PBRM1: variants seen among roughly 807,000 people sequenced by gnomAD.
PBRM1 encodes polybromo 1, also known as protein polybromo-1.
Under a neutral mutation model 194.5 loss-of-function variants are expected in PBRM1, and 27 were observed. The observed-to-expected ratio is 0.14, with a 90% CI of 0.10 to 0.19. PBRM1 has a LOEUF of 0.19. Among genes scored for constraint, PBRM1 ranks in the 10% least tolerant of loss-of-function variants. The pLI is 1.00. For synonymous variants in PBRM1, 655 were observed against 693.2 expected, an observed-to-expected ratio of 0.94 and a Z score of 0.87; for missense variants, 1,466 against 2,077.2, an observed-to-expected ratio of 0.71 and a Z score of 5.72.
intron 20 of PBRM1, among the ~76,000 whole-genome samples, chr3:52,581,607 T>C (rs1200823088): frequency 1.3e-5 from 2 of 152,018 alleles, no homozygotes; most frequent in Middle Eastern, 3.4e-3. Context: ...TAATAATACC[T>C]TTTCCTTTAA....
At chr3:52,662,305 A>T in intron 3 of PBRM1, 29 bp from the exon 5 acceptor site, 1 of 1,562,854 alleles carries the variant, frequency 6.4e-7, no homozygotes, top group Non-Finnish European at 8.6e-7. Context: ...AAAAAAAAAA[A>T]CACTTTAGTA....
At chr3:52,578,477 T>C (rs1017168353) in intron 21 of PBRM1, among the ~76,000 whole-genome samples, 3 of 152,256 alleles carry the variant, frequency 2.0e-5, no homozygotes, top group Admixed American at 6.5e-5. Flanking sequence ...ACTCAGGGAA[T>C]GAACTACTGT....
intron 3 of PBRM1, among the ~76,000 whole-genome samples, chr3:52,662,882 A>C (rs2096754807): frequency 6.6e-6 from 1 of 151,878 alleles, no homozygotes; most frequent in African/African-American, 2.4e-5. Context: ...CTAATACACT[A>C]AGAAAGACAA....
At chr3:52,583,328 T>C (rs984443976) in intron 20 of PBRM1, among the ~76,000 whole-genome samples, 1 of 150,770 alleles carries the variant, frequency 6.6e-6, no homozygotes, top group Non-Finnish European at 1.5e-5. Context: ...CAGAATCACT[T>C]GAACCCAGGA....
rs947873735 is a variant in PBRM1 at position 52,595,597 on chromosome 3, T to C, written c.2780-6342A>G. On this transcript the variant is annotated intron_variant, in intron 17 of 29. Transcript: ENST00000296302. ...ACTAATCCATTGTGAGATGGTTAGT[T>C]TGCAGATAGTTTTTTCCCACTCTGT... 6.3e-4 allele frequency among the ~76,000 whole-genome samples: 96 copies of C among 152,314 alleles called. 1 individual carries two copies. Among genetic ancestry groups the C allele is most frequent in the African/African-American group, 2.1e-3 (88 of 41,578 alleles).
At chr3:52,630,656 C>T (rs374064487) in intron 11 of PBRM1, among the ~76,000 whole-genome samples, 10 of 152,320 alleles carry the variant, frequency 6.6e-5, no homozygotes, top group African/African-American at 2.4e-4. Flanking sequence ...CCGCGGAAGG[C>T]AGCAACATTA....
At chr3:52,672,712 T>C (rs2096978083) in intron 2 of PBRM1, among the ~76,000 whole-genome samples, 3 of 152,018 alleles carry the variant, frequency 2.0e-5, no homozygotes, top group African/African-American at 4.8e-5. Flanking sequence ...CAGGCTGGTC[T>C]CGAACTCCTG....
At chr3:52,654,696 G>T (rs2096573945) in intron 5 of PBRM1, among the ~76,000 whole-genome samples, 1 of 152,122 alleles carries the variant, frequency 6.6e-6, no homozygotes. Context: ...GACCATCACT[G>T]ATTATCTCCT....
rs2096886585 is a variant in PBRM1, at chr3:52,668,664, T to A, written c.237-19A>T. The A allele has an allele frequency of 6.8e-7, 1 of 1,471,988 alleles. No homozygotes were observed. Among genetic ancestry groups the A allele is most frequent in the African/African-American group, 1.5e-5 (1 of 68,742 alleles). 91.2% of individuals were successfully genotyped at this position (1,471,988 alleles called of 1,614,324 possible). A position where few individuals can be genotyped will look rare whatever the true frequency, so the allele number is the denominator to read the frequency against. ...TTGATTTCTGTTATAATTTAAATTT[T>A]TTTAAAGGAGATTAATCTGAAGCTT... On this transcript the variant is annotated intron_variant, in intron 2 of 29. Transcript: ENST00000296302.
chr3:52,615,524 A>C, intron 14 of PBRM1, 68 bp from the exon 17 acceptor site: 1 of 993,306 alleles, frequency 1.0e-6, no homozygotes, highest in Non-Finnish European at 1.6e-6. Context: ...ATGCATCCAT[A>C]AAGAAGTTTT....
At chr3:52,551,248 A>G (rs1162973595) in intron 27 of PBRM1, among the ~76,000 whole-genome samples, 2 of 152,330 alleles carry the variant, frequency 1.3e-5, no homozygotes, top group East Asian at 3.9e-4. Flanking sequence ...CAGGGACACA[A>G]GGGAAGAGGC....
chr3:52,599,447 T>A (rs574559061), intron 17 of PBRM1, among the ~76,000 whole-genome samples: 1 of 152,184 alleles, frequency 6.6e-6, no homozygotes, highest in East Asian at 1.9e-4. Flanking sequence ...ATATAGATGG[T>A]CAATAGGCAT....
At chr3:52,564,231 T>G (rs763255409) in exon 23 of PBRM1, 3 of 1,609,008 alleles carry the variant, frequency 1.9e-6, no homozygotes, top group East Asian at 2.2e-5. Context: ...ACAGCACACT[T>G]TCCTGAAAGA....
At chr3:52,618,209 A>T (rs1338922319) in intron 13 of PBRM1, among the ~76,000 whole-genome samples, 3 of 152,168 alleles carry the variant, frequency 2.0e-5, no homozygotes. Context: ...TAAAATTTCC[A>T]TCCTTGAGCA....
chr3:52,615,965 G>A (rs2094930563), intron 14 of PBRM1, among the ~76,000 whole-genome samples: 2 of 152,152 alleles, frequency 1.3e-5, no homozygotes, highest in African/African-American at 4.8e-5. Context: ...TGAGCCAAGG[G>A]TGGTAATATG....
intron 17 of PBRM1, among the ~76,000 whole-genome samples, chr3:52,589,982 C>T (rs918698148): frequency 2.6e-5 from 4 of 151,910 alleles, no homozygotes; most frequent in African/African-American, 9.7e-5. Context: ...GCATGCACCA[C>T]CACGCCTGGC....
chr3:52,562,009 A>G (rs2153496660), intron 24 of PBRM1, 41 bp from the exon 27 acceptor site: 1 of 1,527,986 alleles, frequency 6.5e-7, no homozygotes, highest in African/African-American at 1.4e-5. Flanking sequence ...AAAACATTAC[A>G]TTTGGTTAAC....
intron 27 of PBRM1, among the ~76,000 whole-genome samples, chr3:52,552,209 C>T (rs1490352478): frequency 6.6e-6 from 1 of 152,154 alleles, no homozygotes; most frequent in Non-Finnish European, 1.5e-5. Context: ...CACTCACCCA[C>T]CTTAGATTCC....
intron 20 of PBRM1, among the ~76,000 whole-genome samples, chr3:52,580,653 C>T (rs1339290343): frequency 6.6e-6 from 1 of 152,186 alleles, no homozygotes; most frequent in Non-Finnish European, 1.5e-5. Flanking sequence ...TGAGCCACTG[C>T]GCCCAGCCAA....
Sources: allele counts gnomAD v4.1 joint callset (sites outside exome capture counted in the v4.1 genomes callset), GRCh38; gene constraint gnomAD v4.1.1; transcripts MANE v1.5; gene names NCBI Gene and HGNC (gene_info 2026-07-23, HGNC 2026-07-21).